CREB3L2: variants seen among roughly 807,000 people sequenced by gnomAD.
The protein encoded by CREB3L2 is cyclic AMP-responsive element-binding protein 3-like protein 2.
In CREB3L2, 23 loss-of-function variants were observed where a neutral mutation model predicts 57.2. The observed-to-expected ratio is 0.40, with a 90% confidence interval of 0.29 to 0.57. The LOEUF (loss-of-function observed/expected upper bound fraction) is 0.57. CREB3L2 is among the 20% of genes least tolerant of loss of function. The pLI is 0.42. For synonymous variants in CREB3L2, 268 were observed against 265.1 expected (o/e 1.01, Z -0.11); for missense variants, 628 against 634.7 (o/e 0.99, Z 0.11).
intron 1 of CREB3L2, among the ~76,000 whole-genome samples, chr7:137,948,047 T>C (rs1297939368): frequency 6.6e-6 from 1 of 152,198 alleles, no homozygotes; most frequent in African/African-American, 2.4e-5. Context: ...AACAAGGTAC[T>C]TCCATACCTG....
chr7:137,898,699 T>G (rs1369510844), intron 8 of CREB3L2, among the ~76,000 whole-genome samples: 1 of 152,056 alleles, frequency 6.6e-6, no homozygotes, highest in Non-Finnish European at 1.5e-5. Flanking sequence ...GAGTCTGTAG[T>G]GGACGAAGGA....
chr7:137,905,574 G>C (rs1799868241), intron 6 of CREB3L2, 128 bp downstream of exon 6: 1 of 999,558 alleles, frequency 1.0e-6, no homozygotes, highest in Non-Finnish European at 1.6e-6. Context: ...GCTTAGGGAA[G>C]GGAAGGGCTG....
intron 8 of CREB3L2, among the ~76,000 whole-genome samples, chr7:137,893,707 G>T (rs1799565803): frequency 6.6e-6 from 1 of 152,182 alleles, no homozygotes; most frequent in African/African-American, 2.4e-5. Flanking sequence ...TCAAGAACAA[G>T]AAAAGTAGAG....
intron 1 of CREB3L2, among the ~76,000 whole-genome samples, chr7:137,950,129 T>A (rs1334018612): frequency 6.7e-6 from 1 of 148,762 alleles, no homozygotes; most frequent in Non-Finnish European, 1.5e-5. Flanking sequence ...GAAATCAAAA[T>A]CAGTTCCTCT....
At chr7:137,929,540 C>T (rs1269965575) in intron 1 of CREB3L2, among the ~76,000 whole-genome samples, 1 of 151,862 alleles carries the variant, frequency 6.6e-6, no homozygotes, top group African/African-American at 2.4e-5. Flanking sequence ...AGAATCACTG[C>T]TATTGACTAT....
At position 137,877,195 on chromosome 7, in the gene CREB3L2, T is replaced by C. The variant is rs1462127317; in HGVS notation, c.*3281A>G. On this transcript the variant is annotated 3_prime_UTR_variant, in exon 12 of 12. Transcript: ENST00000330387. ...AGATTTAGGAAGAAAAAAAAAAACA[T>C]GGTAATTATAAGGGGTCTGTGAATA... 4.4e-6 allele frequency: 1 copy of C among 226,298 alleles called. No homozygotes were observed. The highest frequency in any genetic ancestry group is 2.2e-5 in the African/African-American group (1 of 44,812). 14.0% of individuals were successfully genotyped at this position (226,298 alleles called of 1,614,324 possible). A position where few individuals can be genotyped will look rare whatever the true frequency, so the allele number is the denominator to read the frequency against.
At chr7:137,934,252 A>AT (rs1207377314) in intron 1 of CREB3L2, among the ~76,000 whole-genome samples, 2 of 151,960 alleles carry the variant, frequency 1.3e-5, no homozygotes, top group African/African-American at 2.4e-5. Context: ...AATTGACTGA[A>AT]TTTTTTTTCC....
At chr7:137,960,287 T>C (rs763986416) in intron 1 of CREB3L2, among the ~76,000 whole-genome samples, 1 of 152,210 alleles carries the variant, frequency 6.6e-6, no homozygotes, top group African/African-American at 2.4e-5. Flanking sequence ...TATCTAACAC[T>C]GCCTCTGAGG....
intron 1 of CREB3L2, chr7:137,956,789 T>A: frequency 2.3e-6 from 1 of 443,040 alleles, no homozygotes; most frequent in Non-Finnish European, 4.3e-6. Flanking sequence ...CTAAAAGAGT[T>A]AGACCATTCA....
chr7:137,898,719 C>T lies in CREB3L2; in HGVS notation c.1043+2635G>A, dbSNP rs909759263. Among the ~76,000 whole-genome samples, 11 of 145,952 alleles carry T rather than the reference C, an allele frequency of 7.5e-5. 1 individual carries two copies. Among genetic ancestry groups the T allele is most frequent in the South Asian group, 2.3e-4 (1 of 4,436 alleles). On this transcript the variant is annotated intron_variant, in intron 8 of 11. Transcript: ENST00000330387. ...TGTAGTGGACGAAGGACTGTGCTAA[C>T]GGACACCACAAGGACATTACAGGTA... is the stretch of plus-strand genomic sequence containing the variant.
chr7:137,887,409 A>G (rs1253405773), intron 8 of CREB3L2, among the ~76,000 whole-genome samples: 1 of 152,084 alleles, frequency 6.6e-6, no homozygotes, highest in East Asian at 1.9e-4. Context: ...TGCTTTCTGG[A>G]CTCAAAACTC....
chr7:137,959,333 G>C (rs1048199162), intron 1 of CREB3L2, among the ~76,000 whole-genome samples: 2 of 152,192 alleles, frequency 1.3e-5, no homozygotes, highest in Non-Finnish European at 2.9e-5. Context: ...GACAGGACTA[G>C]TCTCTGGGTA....
chr7:137,938,756 T>C (rs555133780), intron 1 of CREB3L2, among the ~76,000 whole-genome samples: 1 of 152,348 alleles, frequency 6.6e-6, no homozygotes, highest in East Asian at 1.9e-4. Flanking sequence ...CCTTTTAAAC[T>C]ACATAATTTT....
chr7:137,940,867 C>T (rs1800870414), intron 1 of CREB3L2, among the ~76,000 whole-genome samples: 1 of 152,196 alleles, frequency 6.6e-6, no homozygotes, highest in East Asian at 1.9e-4. Context: ...AGGGAAAGTG[C>T]TTGAGAGGTA....
In CREB3L2 at chr7:137,891,256, T is replaced by C. The variant is rs74328819; in HGVS notation, c.1044-5754A>G. Among the ~76,000 whole-genome samples the C allele has an allele frequency of 9.2e-3, 1,400 of 152,300 alleles. 16 individuals are homozygous for C. The highest frequency in any genetic ancestry group is 0.032 in the African/African-American group (1,349 of 41,552). On this transcript the variant is annotated intron_variant, in intron 8 of 11. Coordinates refer to ENST00000330387, the MANE Select transcript of CREB3L2 (RefSeq NM_194071.4). Reference sequence around the variant, plus strand: ...CAAAATAAACCATCACCCTGTATCTTGGGAGGCATATCAAAGGAAATTGGG... The same window carrying C: ...CAAAATAAACCATCACCCTGTATCTCGGGAGGCATATCAAAGGAAATTGGG...
intron 1 of CREB3L2, among the ~76,000 whole-genome samples, chr7:137,941,259 A>G (rs972044479): frequency 2.0e-5 from 3 of 152,258 alleles, no homozygotes; most frequent in Non-Finnish European, 4.4e-5. Flanking sequence ...AGTGAAGATA[A>G]AAATGAATTC....
chr7:137,929,886 T>A (rs7778163), intron 1 of CREB3L2, among the ~76,000 whole-genome samples: 6,200 of 149,424 alleles, frequency 0.041, 351 homozygotes, highest in African/African-American at 0.13. Context: ...ATAAATAAAT[T>A]AATTAATTAA....
At position 137,880,163 on chromosome 7, in the gene CREB3L2, G is replaced by A. The variant is rs1799262496; in HGVS notation, c.*313C>T. 2.3e-6 allele frequency: 1 copy of A among 435,106 alleles called. No individual in the cohort carries two copies. The allele number at this position is 435,106 out of a possible 1,614,324, so 27.0% of individuals were successfully genotyped here. A position where few individuals can be genotyped will look rare whatever the true frequency, so the allele number is the denominator to read the frequency against. On this transcript the variant is annotated 3_prime_UTR_variant, in exon 12 of 12. Coordinates refer to ENST00000330387, the MANE Select transcript of CREB3L2 (RefSeq NM_194071.4). The surrounding 1 kb of genome is among the most constrained non-coding windows in gnomAD (Gnocchi z 4.0). ...GGTTACACCTCACAGGTGCACATTA[G>A]GCAATATCTTTTTGGCACTATTGGT...
intron 1 of CREB3L2, among the ~76,000 whole-genome samples, chr7:137,962,044 C>T (rs1236224199): frequency 6.6e-6 from 1 of 152,126 alleles, no homozygotes; most frequent in Non-Finnish European, 1.5e-5. Context: ...CTGCTCTTCC[C>T]CATCTGCGAC....
Sources: allele counts gnomAD v4.1 joint callset (sites outside exome capture counted in the v4.1 genomes callset), GRCh38; gene constraint gnomAD v4.1.1; non-coding constraint Gnocchi (gnomAD v3.1); transcripts MANE v1.5; gene names NCBI Gene and HGNC (gene_info 2026-07-23, HGNC 2026-07-21).